The following ANKRD44 variants were observed in gnomAD, a reference collection of about 807,000 sequenced individuals.
ANKRD44 encodes the protein ankyrin repeat domain 44.
In ANKRD44, 35 loss-of-function variants were observed where a neutral mutation model predicts 116.0. That is an observed-to-expected ratio of 0.30 (90% CI 0.23 to 0.40). The LOEUF is 0.40. ANKRD44 is among the 10% of genes least tolerant of loss of function. The probability of loss-of-function intolerance (pLI) is 1.00; values close to 1 mark genes in which losing one functional copy is unlikely to be tolerated. For missense variants in ANKRD44, 1,014 were observed against 1,242.6 expected, an observed-to-expected ratio of 0.82 and a Z score of 2.77; for synonymous variants, 435 against 461.8, an observed-to-expected ratio of 0.94 and a Z score of 0.74.
chr2:197,012,800 T>C (rs2076323157), intron 18 of ANKRD44, among the ~76,000 whole-genome samples: 1 of 152,250 alleles, frequency 6.6e-6, no homozygotes, highest in South Asian at 2.1e-4. Flanking sequence ...CGTTACAAAA[T>C]GTTATCTACT....
At chr2:197,036,568 T>C (rs974440080) in intron 16 of ANKRD44, among the ~76,000 whole-genome samples, 5 of 152,124 alleles carry the variant, frequency 3.3e-5, no homozygotes, top group African/African-American at 9.7e-5. Flanking sequence ...ATAACACAAA[T>C]TAAGGAGGGT....
chr2:197,214,476 T>G (rs2081393723), intron 1 of ANKRD44, among the ~76,000 whole-genome samples: 1 of 152,184 alleles, frequency 6.6e-6, no homozygotes, highest in Non-Finnish European at 1.5e-5. Flanking sequence ...AAGTCTATAT[T>G]TTAAGTAAAT....
intron 4 of ANKRD44, chr2:197,135,147 A>G (rs1322220834): frequency 6.6e-6 from 1 of 152,226 alleles, no homozygotes; most frequent in Non-Finnish European, 1.5e-5. Flanking sequence ...TCACCTAGCA[A>G]GTATATATTA....
chr2:197,123,781 G>A (rs1258545842), intron 6 of ANKRD44, among the ~76,000 whole-genome samples: 2 of 152,128 alleles, frequency 1.3e-5, no homozygotes, highest in African/African-American at 4.8e-5. Context: ...CTTTGTGTGT[G>A]TGTTGGGGTG....
At chr2:197,079,075 G>A (rs1215622207) in intron 15 of ANKRD44, among the ~76,000 whole-genome samples, 1 of 151,720 alleles carries the variant, frequency 6.6e-6, no homozygotes, top group Non-Finnish European at 1.5e-5. Flanking sequence ...GAAAAAGAGG[G>A]TAATTACGAT....
At chr2:197,095,433 C>G (rs1290457156) in intron 10 of ANKRD44, among the ~76,000 whole-genome samples, 1 of 152,242 alleles carries the variant, frequency 6.6e-6, no homozygotes, top group Non-Finnish European at 1.5e-5. Flanking sequence ...AGAAGGGGCT[C>G]TGTGCTGCAT....
chr2:197,186,875 T>G, intron 2 of ANKRD44, 148 bp downstream of exon 2: 1 of 593,858 alleles, frequency 1.7e-6, no homozygotes, highest in Non-Finnish European at 3.0e-6. Context: ...AGATATTTTA[T>G]TTCTTATATA....
chr2:196,979,521 T>C (rs1339382123), intron 21 of ANKRD44, among the ~76,000 whole-genome samples: 2 of 148,488 alleles, frequency 1.3e-5, no homozygotes, highest in African/African-American at 4.9e-5. Flanking sequence ...TTCACCCCAA[T>C]TAAAAAGCAG....
At chr2:196,990,782 C>T (rs2075900705) in intron 27 of ANKRD44, 1 of 1,232,198 alleles carries the variant, frequency 8.1e-7, no homozygotes, top group African/African-American at 1.5e-5. Context: ...AGAGGGTCGT[C>T]CTGCTCAAAT....
chr2:197,275,226 C>T (rs989607880), intron 1 of ANKRD44, among the ~76,000 whole-genome samples: 1 of 151,776 alleles, frequency 6.6e-6, no homozygotes, highest in African/African-American at 2.4e-5. Flanking sequence ...GCAGTCCTCC[C>T]ACCTCAGCCT....
At chr2:197,251,829 C>T (rs185530432) in intron 1 of ANKRD44, among the ~76,000 whole-genome samples, 1 of 152,342 alleles carries the variant, frequency 6.6e-6, no homozygotes, top group Non-Finnish European at 1.5e-5. Flanking sequence ...TCCTAAATTT[C>T]AACAACTGAG....
intron 16 of ANKRD44, among the ~76,000 whole-genome samples, chr2:197,031,016 G>C (rs2076696488): frequency 6.6e-6 from 1 of 151,966 alleles, no homozygotes. Context: ...TTTCCTAATG[G>C]GGATGGAGAA....
chr2:197,269,029 AG>A (rs2082817319), intron 1 of ANKRD44, among the ~76,000 whole-genome samples: 1 of 152,000 alleles, frequency 6.6e-6, no homozygotes, highest in Admixed American at 6.6e-5. Context: ...ACTCAAAAAA[AG>A]TCCAACATTT....
At position 197,078,824 on chromosome 2, in the gene ANKRD44, T is replaced by G; in HGVS notation, c.1539-10A>C. 1.9e-6 allele frequency: 3 copies of G among 1,611,558 alleles called. No homozygotes were observed. In the South Asian group the frequency reaches 3.3e-5, roughly 18 times the overall value. On this transcript the variant is annotated splice_polypyrimidine_tract_variant and intron_variant, in intron 15 of 27. Transcript: ENST00000282272. ...CAGAAACTCTAGACATCTGTAAGTA[T>G]AAAGATGAAGTGTTATTTTAGAAAA...
intron 16 of ANKRD44, among the ~76,000 whole-genome samples, chr2:197,077,214 T>TCC (rs1477032910): frequency 6.6e-6 from 1 of 152,212 alleles, no homozygotes; most frequent in Non-Finnish European, 1.5e-5. Context: ...TGGTATGAGA[T>TCC]GGTACCTCAT....
intron 1 of ANKRD44, among the ~76,000 whole-genome samples, chr2:197,258,778 C>A (rs1468401977): frequency 6.6e-6 from 1 of 152,248 alleles, no homozygotes; most frequent in Non-Finnish European, 1.5e-5. Flanking sequence ...GATAGTCACA[C>A]TGATGAGTAT....
intron 21 of ANKRD44, among the ~76,000 whole-genome samples, chr2:196,969,234 T>A (rs888666473): frequency 6.6e-6 from 1 of 152,208 alleles, no homozygotes; most frequent in Non-Finnish European, 1.5e-5. Flanking sequence ...TCAAAGAATA[T>A]GAAAGGAGTC....
At chr2:197,217,218 G>T (rs967016708) in intron 1 of ANKRD44, among the ~76,000 whole-genome samples, 5 of 151,902 alleles carry the variant, frequency 3.3e-5, no homozygotes, top group Non-Finnish European at 5.9e-5. Flanking sequence ...CTGATGCATT[G>T]TGTTTTTCAA....
rs1001325191 is a variant in ANKRD44 at position 197,203,967 on chromosome 2, G to C, written c.28-16861C>G. On this transcript the variant is annotated intron_variant, in intron 1 of 27. Transcript: ENST00000282272. This position sits in a 1 kb window ranked among gnomAD's most constrained non-coding sequence, Gnocchi z 4.1. ...CAGGGATCGGGAGGGAACGGGAAGT[G>C]ACTGCTTCATGGATACAGAGTTTCA... is the stretch of plus-strand genomic sequence containing the variant. Among the ~76,000 whole-genome samples, 2 of 152,174 alleles carry C rather than the reference G, an allele frequency of 1.3e-5. No homozygotes were observed. The highest frequency in any genetic ancestry group is 2.9e-5 in the Non-Finnish European group (2 of 68,026).
Sources: gnomAD v4.1 joint callset for allele counts (sites outside exome capture counted in the v4.1 genomes callset) on GRCh38, gnomAD v4.1.1 for gene constraint, Gnocchi (gnomAD v3.1) non-coding constraint, MANE v1.5 for transcripts, NCBI Gene and HGNC (gene_info 2026-07-23, HGNC 2026-07-21) for gene names.